SPRTN: variants seen among roughly 807,000 people sequenced by gnomAD.
The protein encoded by SPRTN is DNA-dependent metalloprotease SPRTN.
Under a neutral mutation model 31.9 loss-of-function variants are expected in SPRTN, and 11 were observed. That is an observed-to-expected ratio of 0.34 (90% CI 0.22 to 0.57). SPRTN has a LOEUF of 0.57. Ranked by LOEUF, SPRTN falls within the 20% of genes least tolerant of loss-of-function variation. SPRTN has a pLI of 0.86. For synonymous variants in SPRTN, 185 were observed against 212.1 expected, an observed-to-expected ratio of 0.87 and a Z score of 1.11; for missense variants, 482 against 590.1, an observed-to-expected ratio of 0.82 and a Z score of 1.90.
At chr1:231,343,325 GTATA>G (rs139643266) in intron 2 of SPRTN, among the ~76,000 whole-genome samples, 1 of 148,098 alleles carries the variant, frequency 6.8e-6, no homozygotes. Flanking sequence ...CTAGGTGTGT[GTATA>G]TATATATATA....
Position 231,353,578 on chromosome 1 carries a change from G to A in SPRTN, c.*217G>A. 1 of 1,217,454 alleles carries A rather than the reference G, an allele frequency of 8.2e-7. No individual in the cohort carries two copies. The highest frequency in any genetic ancestry group is 1.0e-6 in the Non-Finnish European group (1 of 977,244). 75.4% of individuals were successfully genotyped at this position (1,217,454 alleles called of 1,614,324 possible). On this transcript the variant is annotated 3_prime_UTR_variant, in exon 5 of 5. Coordinates refer to ENST00000295050, the MANE Select transcript of SPRTN (RefSeq NM_032018.7). Reference sequence around the variant, plus strand: ...CATTCACTCTTGCCTTAGGTATACTGTAACCCAGGTTCTGCCTGTCGTGTA... The same window carrying A: ...CATTCACTCTTGCCTTAGGTATACTATAACCCAGGTTCTGCCTGTCGTGTA...
intron 1 of SPRTN, chr1:231,339,296 T>C: frequency 3.4e-6 from 1 of 289,940 alleles, no homozygotes; most frequent in Non-Finnish European, 6.6e-6. Flanking sequence ...GTTATGATTT[T>C]GGAGATATGC....
Position 231,347,927 on chromosome 1 carries a change from T to C in SPRTN, c.450+2T>C. On this transcript the variant is annotated splice_donor_variant, in intron 3 of 4. Coordinates refer to ENST00000295050, the MANE Select transcript of SPRTN (RefSeq NM_032018.7). LOFTEE classifies it high-confidence loss of function. The stretch of plus-strand genomic sequence containing the variant: ...AGCCTGACTGGAGCCAATATAACGG[T>C]ATAGAAAGCCATATCTATTTATGAT... 1 of 1,606,244 alleles carries C rather than the reference T, an allele frequency of 6.2e-7. No individual in the cohort carries two copies. Among genetic ancestry groups the C allele is most frequent in the African/African-American group, 1.3e-5 (1 of 74,414 alleles).
rs888452527 is a variant in SPRTN at position 231,353,576 on chromosome 1, C to G, written c.*215C>G. On this transcript the variant is annotated 3_prime_UTR_variant, in exon 5 of 5. Coordinates refer to ENST00000295050, the MANE Select transcript of SPRTN (RefSeq NM_032018.7). ...TACATTCACTCTTGCCTTAGGTATA[C>G]TGTAACCCAGGTTCTGCCTGTCGTG... 8.2e-7 allele frequency: 1 copy of G among 1,222,200 alleles called. No individual in the cohort carries two copies. The highest frequency in any genetic ancestry group is 1.6e-5 in the African/African-American group (1 of 64,072). 75.7% of individuals were successfully genotyped at this position (1,222,200 alleles called of 1,614,324 possible).
intron 1 of SPRTN, 31 bp from the exon 2 acceptor site, chr1:231,339,738 G>GT: frequency 6.2e-7 from 1 of 1,611,762 alleles, no homozygotes; most frequent in Non-Finnish European, 8.5e-7. Flanking sequence ...TTTGGCCAAT[G>GT]TAACACATTT....
In SPRTN at chr1:231,353,381, A is replaced by G. The variant is rs755606181; in HGVS notation, c.*20A>G. The G allele has an allele frequency of 5.2e-6, 8 of 1,552,088 alleles. No individual in the cohort carries two copies. The South Asian group carries it at 6.3e-5, about 12-fold the overall frequency. ...CTTTGAAAAAGGTTTCAAAGTCTCA[A>G]GTACCACCTGTATTATCTCACTAAT... is the stretch of plus-strand genomic sequence containing the variant. On this transcript the variant is annotated 3_prime_UTR_variant, in exon 5 of 5. Transcript: ENST00000295050.
Position 231,353,245 on chromosome 1 carries a change from A to T in SPRTN, c.1354A>T (p.Lys452Ter). The change falls in exon 5 of 5, where the codon AAA becomes TAA. Residue 452 changes from lysine to a stop codon, truncating the protein, a stop_gained. Coordinates refer to ENST00000295050, the MANE Select transcript of SPRTN (RefSeq NM_032018.7). LOFTEE classifies it low-confidence loss of function (END_TRUNC). ...QNSSSSSSQS[K>*]MVNCPVCQNE... is the part of the protein sequence containing the mutation. ...TTCCAGCAGTTCATCCAGTCAGAGC[A>T]AAATGGTTAATTGCCCAGTTTGTCA... 1 of 1,614,124 alleles carries T rather than the reference A, an allele frequency of 6.2e-7. No individual in the cohort carries two copies. Among genetic ancestry groups the T allele is most frequent in the Non-Finnish European group, 8.5e-7 (1 of 1,179,984 alleles).
At chr1:231,352,234 T>C (rs1687260280) in intron 4 of SPRTN, 3 of 1,001,406 alleles carry the variant, frequency 3.0e-6, no homozygotes, top group South Asian at 4.5e-5. Context: ...TGAATTGATA[T>C]GGAAAGACCG....
chr1:231,347,756 C>T (rs758404830), intron 2 of SPRTN, 41 bp from the exon 3 acceptor site: 1 of 1,580,654 alleles, frequency 6.3e-7, no homozygotes, highest in Non-Finnish European at 8.6e-7. Flanking sequence ...TCCAAAGTGT[C>T]ATACAGACTC....
intron 2 of SPRTN, among the ~76,000 whole-genome samples, chr1:231,341,302 T>C (rs1686883352): frequency 1.3e-5 from 2 of 151,944 alleles, no homozygotes; most frequent in African/African-American, 4.8e-5. Context: ...GAGTACTCAT[T>C]ATCCAAAGTG....
At chr1:231,349,755 A>T (rs544556864) in intron 3 of SPRTN, among the ~76,000 whole-genome samples, 7 of 152,280 alleles carry the variant, frequency 4.6e-5, no homozygotes, top group Non-Finnish European at 7.4e-5. Flanking sequence ...CACGCCTGTA[A>T]TCCCAGCACT....
chr1:231,352,878 C>T lies in SPRTN; in HGVS notation c.987C>T (p.Ser329=), dbSNP rs374533961. The part of the protein sequence containing the change: ...AVSNSHQNVL[S]NYFPRVSFAN... ...GTAACAGTCACCAAAATGTTCTAAG[C>T]AACTACTTTCCTAGAGTATCATTTG... Residue 329 remains serine, a synonymous_variant, in exon 5 of 5, where the codon AGC becomes AGT. Transcript: ENST00000295050. 1.5e-5 allele frequency: 25 copies of T among 1,614,102 alleles called. No homozygotes were observed. The African/African-American group carries it at 2.7e-4, about 17-fold the overall frequency.
chr1:231,352,914 G>C lies in SPRTN; in HGVS notation c.1023G>C (p.Lys341Asn). 1 of 1,614,100 alleles carries C rather than the reference G, an allele frequency of 6.2e-7. No homozygotes were observed. The highest frequency in any genetic ancestry group is 2.2e-5 in the East Asian group (1 of 44,872). The change falls in exon 5 of 5, where the codon AAG becomes AAC. Residue 341 changes from lysine to asparagine, a missense_variant. This residue lies in a region of SPRTN where 325 missense variants were observed against 350.2 expected (regional missense o/e 0.93). Transcript: ENST00000295050. Reference protein sequence around the residue: ...YFPRVSFANQKAFRGVNGSPR... With the variant: ...YFPRVSFANQNAFRGVNGSPR... ...CTAGAGTATCATTTGCCAACCAAAAGGCTTTCAGAGGTGTGAATGGATCTC... is the reference window on the plus strand; with the variant it reads ...CTAGAGTATCATTTGCCAACCAAAACGCTTTCAGAGGTGTGAATGGATCTC...
chr1:231,338,407 A>G lies in SPRTN; in HGVS notation c.24A>G (p.Ala8=), dbSNP rs371684819. 1.2e-6 allele frequency: 2 copies of G among 1,614,246 alleles called. No homozygotes were observed. Among genetic ancestry groups the G allele is most frequent in the South Asian group, 1.1e-5 (1 of 91,086 alleles). Reference sequence around the variant, plus strand: ...CGATGGATGATGACTTGATGTTGGCACTGCGGCTTCAGGAGGAGTGGAACT... The same window carrying G: ...CGATGGATGATGACTTGATGTTGGCGCTGCGGCTTCAGGAGGAGTGGAACT... MDDDLML[A]LRLQEEWNLQ... Residue 8 remains alanine, a synonymous_variant, in exon 1 of 5, where the codon GCA becomes GCG. Transcript: ENST00000295050.
chr1:231,349,439 A>G (rs1687156688), intron 3 of SPRTN, among the ~76,000 whole-genome samples: 1 of 152,226 alleles, frequency 6.6e-6, no homozygotes, highest in African/African-American at 2.4e-5. Flanking sequence ...TTGCTTGTAT[A>G]AAATACATTA....
At chr1:231,350,887 T>C (rs191028221) in intron 3 of SPRTN, among the ~76,000 whole-genome samples, 10 of 152,246 alleles carry the variant, frequency 6.6e-5, no homozygotes, top group African/African-American at 2.4e-4. Flanking sequence ...TTTTTACTTA[T>C]AGGGAAAACT....
intron 1 of SPRTN, among the ~76,000 whole-genome samples, chr1:231,339,041 C>G (rs1686782253): frequency 6.6e-6 from 1 of 152,184 alleles, no homozygotes; most frequent in Admixed American, 6.5e-5. Flanking sequence ...CTTTAGTTAG[C>G]TCGTGTGTTG....
chr1:231,347,738 T>C, intron 2 of SPRTN, 59 bp from the exon 3 acceptor site: 1 of 1,538,862 alleles, frequency 6.5e-7, no homozygotes, highest in Non-Finnish European at 8.7e-7. Context: ...ATAAGAAAAT[T>C]TATATTTTCC....
chr1:231,342,357 C>T (rs898353629), intron 2 of SPRTN, among the ~76,000 whole-genome samples: 15 of 152,142 alleles, frequency 9.9e-5, no homozygotes, highest in Admixed American at 1.3e-4. Flanking sequence ...ATGACATTTT[C>T]GTCAATGACA....
Sources: gnomAD v4.1 joint callset for allele counts (sites outside exome capture counted in the v4.1 genomes callset) on GRCh38, gnomAD v4.1.1 for gene constraint, gnomAD v4.1.1 regional missense constraint, MANE v1.5 for transcripts, NCBI Gene and HGNC (gene_info 2026-07-23, HGNC 2026-07-21) for gene names.